The following CDC42BPB variants were observed in gnomAD, a reference collection of about 807,000 sequenced individuals.
CDC42BPB encodes serine/threonine-protein kinase MRCK beta.
A neutral mutation model predicts 214.9 loss-of-function variants in CDC42BPB; 37 were observed. The observed-to-expected ratio is 0.17, with a 90% CI of 0.13 to 0.23. CDC42BPB has a LOEUF of 0.23. Ranked by LOEUF, CDC42BPB falls within the 10% of genes least tolerant of loss-of-function variation. CDC42BPB has a pLI of 1.00. For missense variants in CDC42BPB, 1,694 were observed against 2,227.0 expected, an observed-to-expected ratio of 0.76 and a Z score of 4.82; for synonymous variants, 931 against 884.0, an observed-to-expected ratio of 1.05 and a Z score of -0.94.
chr14:102,935,768 A>C (rs1006581909), intron 36 of CDC42BPB, among the ~76,000 whole-genome samples: 5 of 151,206 alleles, frequency 3.3e-5, no homozygotes, highest in Admixed American at 6.6e-5. Flanking sequence ...CTGTCTCAAA[A>C]AAAAAAAAAA....
At chr14:103,055,298 C>G (rs1888882760) in intron 1 of CDC42BPB, among the ~76,000 whole-genome samples, 1 of 152,166 alleles carries the variant, frequency 6.6e-6, no homozygotes, top group South Asian at 2.1e-4. Context: ...TGGTGCGTGC[C>G]TGTAGTCCCA....
chr14:103,056,703 A>C (rs1212263542), intron 1 of CDC42BPB, among the ~76,000 whole-genome samples: 1 of 146,596 alleles, frequency 6.8e-6, no homozygotes, highest in African/African-American at 2.6e-5. Context: ...GGAACGTAGG[A>C]TGTGGCTCCA....
chr14:102,945,769 G>A (rs751338834), intron 28 of CDC42BPB, 45 bp from the exon 29 acceptor site: 62 of 1,567,618 alleles, frequency 4.0e-5, no homozygotes, highest in Non-Finnish European at 5.2e-5. Flanking sequence ...ACAGCCGACC[G>A]TGAACAATAT....
rs1173969816 is a variant in CDC42BPB, at chr14:103,057,203, G to A, written c.-30C>T. 14 of 1,340,850 alleles carry A rather than the reference G, an allele frequency of 1.0e-5. No homozygotes were observed. The South Asian group carries it at 1.9e-4, about 18-fold the overall frequency. The allele number at this position is 1,340,850 out of a possible 1,614,324, so 83.1% of individuals were successfully genotyped here. ...CCGCGCGGCCCGCTCCCGACGCGCC[G>A]GCCTCTCACCGCCGGCTCGGCCAGT... On this transcript the variant is annotated 5_prime_UTR_variant, in exon 1 of 37. Coordinates refer to ENST00000361246, the MANE Select transcript of CDC42BPB (RefSeq NM_006035.4).
chr14:102,978,328 C>T (rs1893850060), intron 8 of CDC42BPB, 123 bp from the exon 9 acceptor site: 8 of 1,509,466 alleles, frequency 5.3e-6, no homozygotes, highest in Middle Eastern at 1.7e-4. Flanking sequence ...TTGGAGAATG[C>T]GGATTCCATG....
rs772654550 is a variant in CDC42BPB, at chr14:102,971,990, TCTC to T, written c.1810_1812del (p.Glu604del). The T allele has an allele frequency of 1.2e-6, 2 of 1,614,108 alleles. No homozygotes were observed. Among genetic ancestry groups the T allele is most frequent in the African/African-American group, 1.3e-5 (1 of 74,940 alleles). ...TCCACCTTCTGCGTGGCCACCTCCATCTCCTCCTCCTTGTCTCGCAGCTGCCGG... is the reference window on the plus strand; with the variant it reads ...TCCACCTTCTGCGTGGCCACCTCCATCTCCTCCTTGTCTCGCAGCTGCCGG... On this transcript the variant is annotated inframe_deletion, in exon 13 of 37. Transcript: ENST00000361246.
rs535462332 is a variant in CDC42BPB, at chr14:102,959,773, C to A, written c.2822-63G>T. On this transcript the variant is annotated intron_variant, in intron 20 of 36. Transcript: ENST00000361246. ...CTAAAGTCTACATATTATTTTCAGACAGACTCAGTGTCTTCAAGATGTCAA... is the reference window on the plus strand; with the variant it reads ...CTAAAGTCTACATATTATTTTCAGAAAGACTCAGTGTCTTCAAGATGTCAA... The A allele has an allele frequency of 3.6e-5, 52 of 1,435,376 alleles. 1 individual carries two copies. In the South Asian group the frequency reaches 6.3e-4, roughly 17 times the overall value. The allele number at this position is 1,435,376 out of a possible 1,614,324, so 88.9% of individuals were successfully genotyped here.
intron 13 of CDC42BPB, among the ~76,000 whole-genome samples, chr14:102,971,265 G>C (rs1343711810): frequency 6.6e-6 from 1 of 152,226 alleles, no homozygotes; most frequent in Admixed American, 6.5e-5. Context: ...TAAAGAAATA[G>C]TTACTTTTCA....
intron 1 of CDC42BPB, among the ~76,000 whole-genome samples, chr14:103,056,164 T>A (rs186525532): frequency 1.1e-3 from 164 of 152,118 alleles, no homozygotes; most frequent in South Asian, 0.011. Flanking sequence ...ACATTATAGA[T>A]CCGGAACGAA....
chr14:103,012,282 T>A (rs1886201534), intron 1 of CDC42BPB, 94 bp from the exon 2 acceptor site: 1 of 1,474,458 alleles, frequency 6.8e-7, no homozygotes, highest in Non-Finnish European at 9.0e-7. Flanking sequence ...AGTTATACTT[T>A]TAAAAAAGTT....
chr14:102,989,212 G>A (rs1008676838), intron 5 of CDC42BPB, among the ~76,000 whole-genome samples: 1 of 152,282 alleles, frequency 6.6e-6, no homozygotes, highest in South Asian at 2.1e-4. Flanking sequence ...TGTACCACCT[G>A]TCACCCATCA....
At chr14:102,999,980 G>C in intron 4 of CDC42BPB, 1 of 871,178 alleles carries the variant, frequency 1.1e-6, no homozygotes, top group Non-Finnish European at 1.4e-6. Context: ...GAAAGGGCTT[G>C]AGGTTGGAGA....
At chr14:102,966,963 A>G (rs1893235366) in intron 17 of CDC42BPB, 83 bp downstream of exon 17, 1 of 1,493,388 alleles carries the variant, frequency 6.7e-7, no homozygotes, top group East Asian at 2.3e-5. Flanking sequence ...CGTGGAGCAC[A>G]GGATCAGGCA....
At chr14:102,994,473 C>T (rs1020353492) in intron 5 of CDC42BPB, among the ~76,000 whole-genome samples, 14 of 152,174 alleles carry the variant, frequency 9.2e-5, no homozygotes, top group Non-Finnish European at 1.8e-4. Context: ...TCCCAACCGC[C>T]GAGGCCTTTA....
intron 4 of CDC42BPB, 81 bp downstream of exon 4, chr14:103,003,847 T>C: frequency 2.6e-6 from 3 of 1,148,486 alleles, no homozygotes; most frequent in Non-Finnish European, 2.5e-6. Flanking sequence ...TTCCACATTG[T>C]CTGACTGAAT....
At chr14:103,055,182 G>A (rs1225618734) in intron 1 of CDC42BPB, among the ~76,000 whole-genome samples, 1 of 152,250 alleles carries the variant, frequency 6.6e-6, no homozygotes, top group African/African-American at 2.4e-5. Flanking sequence ...CAGCACTTTG[G>A]GAGGCCGAGG....
intron 25 of CDC42BPB, 46 bp downstream of exon 25, chr14:102,950,420 C>T (rs954503455): frequency 2.5e-6 from 4 of 1,605,936 alleles, no homozygotes; most frequent in African/African-American, 1.3e-5. Flanking sequence ...TTGGTCACTG[C>T]ACCTCACAGG....
At chr14:102,963,363 G>A (rs983709495) in intron 19 of CDC42BPB, 97 of 877,482 alleles carry the variant, frequency 1.1e-4, no homozygotes, top group Non-Finnish European at 1.3e-4. Flanking sequence ...AATTTAAAAA[G>A]TCATGGCTTA....
Position 103,057,049 on chromosome 14 carries a change from C to G in CDC42BPB, c.125G>C (p.Ser42Thr). The G allele has an allele frequency of 6.6e-7, 1 of 1,520,004 alleles. No homozygotes were observed. 94.2% of individuals were successfully genotyped at this position (1,520,004 alleles called of 1,614,324 possible). A position where few individuals can be genotyped will look rare whatever the true frequency, so the allele number is the denominator to read the frequency against. Residue 42 changes from serine to threonine, a missense_variant, in exon 1 of 37, where the codon AGC (serine) becomes ACC (threonine). By Grantham distance (58) the Ser-to-Thr change is moderately conservative (BLOSUM62 1). Coordinates refer to ENST00000361246, the MANE Select transcript of CDC42BPB (RefSeq NM_006035.4). Reference sequence around the variant, plus strand: ...CTTGTCGCGGCGCAGGGCCGAGTGGCTGCACTCGGTGTACAGGCAGACGAG... The same window carrying G: ...CTTGTCGCGGCGCAGGGCCGAGTGGGTGCACTCGGTGTACAGGCAGACGAG... ...DVLVCLYTECSHSALRRDKYV... is the reference protein window; with the variant it reads ...DVLVCLYTECTHSALRRDKYV...
Sources: allele counts gnomAD v4.1 joint callset (sites outside exome capture counted in the v4.1 genomes callset), GRCh38; gene constraint gnomAD v4.1.1; transcripts MANE v1.5; gene names NCBI Gene and HGNC (gene_info 2026-07-23, HGNC 2026-07-21).